Variants in HDGFL3 observed in about 807,000 individuals in gnomAD.
The protein encoded by HDGFL3 is HDGF like 3, also known as hepatoma-derived growth factor-related protein 3.
HDGFL3 carries 6 observed loss-of-function variants against 27.6 expected under a neutral mutation model. The ratio of observed to expected loss-of-function variants is 0.22; its 90% CI spans 0.12 to 0.43. The LOEUF (loss-of-function observed/expected upper bound fraction) is 0.43. HDGFL3 is among the 20% of genes least tolerant of loss of function. The pLI, the probability that HDGFL3 is intolerant of heterozygous loss-of-function variation, is 1.00. For synonymous variants in HDGFL3, 88 were observed against 88.9 expected, an observed-to-expected ratio of 0.99 and a Z score of 0.05; for missense variants, 207 against 250.1, an observed-to-expected ratio of 0.83 and a Z score of 1.16.
chr15:83,179,360 T>G (rs893783979), intron 1 of HDGFL3: 1 of 152,166 alleles, frequency 6.6e-6, no homozygotes, highest in African/African-American at 2.4e-5. Flanking sequence ...CCTTTACCAA[T>G]AGAGTAAATA....
exon 4 of HDGFL3, chr15:83,113,187 C>G: frequency 2.1e-6 from 1 of 479,564 alleles, no homozygotes; most frequent in South Asian, 2.3e-5. Context: ...GACCTCGACT[C>G]TCATGCTAGC....
intron 1 of HDGFL3, among the ~76,000 whole-genome samples, chr15:83,195,192 C>CT (rs1358238353): frequency 2.6e-5 from 4 of 152,110 alleles, no homozygotes; most frequent in African/African-American, 9.7e-5. Flanking sequence ...TTCATTTAGT[C>CT]TAATTGCAAA....
At chr15:83,167,159 A>AACT (rs1277683421) in intron 1 of HDGFL3, among the ~76,000 whole-genome samples, 3 of 152,222 alleles carry the variant, frequency 2.0e-5, no homozygotes, top group African/African-American at 7.2e-5. Flanking sequence ...CATAAGCTCG[A>AACT]ACTAAAGGTT....
At chr15:83,199,703 G>C (rs1182078690) in intron 1 of HDGFL3, among the ~76,000 whole-genome samples, 1 of 152,114 alleles carries the variant, frequency 6.6e-6, no homozygotes, top group Non-Finnish European at 1.5e-5. Context: ...ATGTGGTCCA[G>C]TTTATCTTGT....
At chr15:83,113,746 C>G (rs2034404418) in exon 4 of HDGFL3, 1 of 152,654 alleles carries the variant, frequency 6.6e-6, no homozygotes, top group African/African-American at 2.4e-5. Flanking sequence ...CCAGGCATGC[C>G]CTTCTCATGG....
At chr15:83,184,010 C>T (rs2151417356) in intron 1 of HDGFL3, among the ~76,000 whole-genome samples, 1 of 152,204 alleles carries the variant, frequency 6.6e-6, no homozygotes, top group Non-Finnish European at 1.5e-5. Context: ...TCTTCCAAGC[C>T]TTGCCTCTCC....
chr15:83,143,751 G>T (rs979046419), intron 5 of HDGFL3, among the ~76,000 whole-genome samples: 2 of 152,166 alleles, frequency 1.3e-5, no homozygotes, highest in Non-Finnish European at 2.9e-5. Context: ...GAGATATAAG[G>T]CAGCAGCCAC....
chr15:83,203,233 C>T (rs1817411514), intron 1 of HDGFL3, among the ~76,000 whole-genome samples: 1 of 151,986 alleles, frequency 6.6e-6, no homozygotes, highest in African/African-American at 2.4e-5. Flanking sequence ...AAGCAGAGTG[C>T]TCACATCTCA....
At chr15:83,140,880 C>A (rs1157824993) in intron 5 of HDGFL3, among the ~76,000 whole-genome samples, 1 of 152,036 alleles carries the variant, frequency 6.6e-6, no homozygotes, top group South Asian at 2.1e-4. Context: ...CTACTCAATC[C>A]ACATCAAAGA....
Position 83,128,455 on chromosome 15 carries a change from C to T in HDGFL3, c.*10815G>A, listed in dbSNP as rs1161142583. ...GAAGGAAGAGAACTAACATTTATTG[C>T]TCTTTGCTGGTTGTTTTTCCTTTGC... On this transcript the variant is annotated 3_prime_UTR_variant, in exon 6 of 6. Coordinates refer to ENST00000299633, the MANE Select transcript of HDGFL3 (RefSeq NM_016073.4). The T allele has an allele frequency of 6.6e-6, 1 of 152,164 alleles. No homozygotes were observed. Among genetic ancestry groups the T allele is most frequent in the African/African-American group, 2.4e-5 (1 of 41,434 alleles). 9.4% of individuals were successfully genotyped at this position (152,164 alleles called of 1,614,324 possible).
intron 1 of HDGFL3, chr15:83,185,203 T>C (rs2037427619): frequency 1.3e-5 from 2 of 152,202 alleles, no homozygotes; most frequent in South Asian, 2.1e-4. Context: ...TTTGTATTTT[T>C]AGTAGAGACA....
At chr15:83,119,873 C>T (rs931149852) in intron 3 of HDGFL3, 2 of 774,946 alleles carry the variant, frequency 2.6e-6, no homozygotes, top group African/African-American at 1.7e-5. Flanking sequence ...TTCTGAATTG[C>T]TCCCTAGCAT....
At chr15:83,199,507 T>G (rs2037612608) in intron 1 of HDGFL3, among the ~76,000 whole-genome samples, 1 of 152,186 alleles carries the variant, frequency 6.6e-6, no homozygotes, top group Non-Finnish European at 1.5e-5. Flanking sequence ...TATTACTATG[T>G]GATCAGAAAT....
chr15:83,118,806 T>C (rs544136057), intron 3 of HDGFL3, among the ~76,000 whole-genome samples: 1 of 152,126 alleles, frequency 6.6e-6, no homozygotes, highest in South Asian at 2.1e-4. Context: ...GCACGGAAAA[T>C]TGATGACAGT....
At chr15:83,121,926 C>T (rs2035297228) in intron 3 of HDGFL3, 1 of 1,603,634 alleles carries the variant, frequency 6.2e-7, no homozygotes, top group African/African-American at 1.3e-5. Context: ...TACAGGGAAA[C>T]TTATAGAACC....
intron 1 of HDGFL3, among the ~76,000 whole-genome samples, chr15:83,193,638 G>A (rs1206208031): frequency 3.3e-5 from 5 of 152,154 alleles, no homozygotes; most frequent in African/African-American, 1.2e-4. Context: ...CTCTCCGTAG[G>A]ACACACCTAC....
At chr15:83,176,223 C>A (rs1361599676) in intron 1 of HDGFL3, among the ~76,000 whole-genome samples, 1 of 152,094 alleles carries the variant, frequency 6.6e-6, no homozygotes, top group East Asian at 1.9e-4. Flanking sequence ...AAGCCTTTAC[C>A]CCTTTTTGAG....
chr15:83,126,995 A>G, downstream of HDGFL3: 1 of 616,182 alleles, frequency 1.6e-6, no homozygotes, highest in Non-Finnish European at 2.7e-6. Context: ...GTTTGAAACC[A>G]GCCTGGCCAG....
At chr15:83,164,300 C>T (rs1360441493) in intron 1 of HDGFL3, among the ~76,000 whole-genome samples, 10 of 133,158 alleles carry the variant, frequency 7.5e-5, no homozygotes, top group Non-Finnish European at 1.1e-4. Flanking sequence ...GGAGCCAAAA[C>T]TACTCATTTC....
Sources: gnomAD v4.1 joint callset for allele counts (sites outside exome capture counted in the v4.1 genomes callset) on GRCh38, gnomAD v4.1.1 for gene constraint, MANE v1.5 for transcripts, NCBI Gene and HGNC (gene_info 2026-07-23, HGNC 2026-07-21) for gene names.